GOLGA3: variants seen among roughly 807,000 people sequenced by gnomAD.
GOLGA3 encodes golgin subfamily A member 3.
In GOLGA3, 75 loss-of-function variants were observed where a neutral mutation model predicts 169.4. The ratio of observed to expected loss-of-function variants is 0.44; its 90% CI spans 0.37 to 0.54. GOLGA3 has a LOEUF of 0.54. Among genes scored for constraint, GOLGA3 ranks in the 20% least tolerant of loss-of-function variants. GOLGA3 has a pLI of 0.00. For synonymous variants in GOLGA3, 824 were observed against 822.4 expected, an observed-to-expected ratio of 1.00 and a Z score of -0.03; for missense variants, 1,899 against 1,930.0, an observed-to-expected ratio of 0.98 and a Z score of 0.30.
intron 15 of GOLGA3, among the ~76,000 whole-genome samples, chr12:132,785,578 G>T (rs190835265): frequency 6.6e-6 from 1 of 152,108 alleles, no homozygotes; most frequent in African/African-American, 2.4e-5. Flanking sequence ...CTCCCAAAGC[G>T]CTGGGATTAT....
At position 132,796,343 on chromosome 12, in the gene GOLGA3, A is replaced by G. The variant is rs1211102186; in HGVS notation, c.2101-123T>C. 2.4e-6 allele frequency: 3 copies of G among 1,262,524 alleles called. No individual in the cohort carries two copies. In the East Asian group the frequency reaches 7.3e-5, roughly 31 times the overall value. The allele number at this position is 1,262,524 out of a possible 1,614,324, so 78.2% of individuals were successfully genotyped here. A position where few individuals can be genotyped will look rare whatever the true frequency, so the allele number is the denominator to read the frequency against. Reference sequence around the variant, plus strand: ...ATGGAGGGTCTTTTTTTCACGCACAATCCTGGTATAGAAGAACCAGCAGGG... The same window carrying G: ...ATGGAGGGTCTTTTTTTCACGCACAGTCCTGGTATAGAAGAACCAGCAGGG... On this transcript the variant is annotated intron_variant, in intron 10 of 23. Transcript: ENST00000450791.
At chr12:132,799,121 G>A (rs1949012519) in intron 8 of GOLGA3, among the ~76,000 whole-genome samples, 1 of 152,336 alleles carries the variant, frequency 6.6e-6, no homozygotes, top group African/African-American at 2.4e-5. Flanking sequence ...TTCCTGGAGT[G>A]CACAGTGCGA....
chr12:132,826,457 C>G (rs1407684099), intron 1 of GOLGA3, among the ~76,000 whole-genome samples: 1 of 151,534 alleles, frequency 6.6e-6, no homozygotes, highest in Non-Finnish European at 1.5e-5. Context: ...AGGAACACAG[C>G]CAAAGACGCT....
In GOLGA3 at chr12:132,769,621, G is replaced by A. The variant is rs1199931326; in HGVS notation, c.*3484C>T. 2 of 152,226 alleles carry A rather than the reference G, an allele frequency of 1.3e-5. No homozygotes were observed. The highest frequency in any genetic ancestry group is 6.5e-5 in the Admixed American group (1 of 15,276). 9.4% of individuals were successfully genotyped at this position (152,226 alleles called of 1,614,324 possible). On this transcript the variant is annotated 3_prime_UTR_variant, in exon 24 of 24. Transcript: ENST00000450791. The stretch of plus-strand genomic sequence containing the variant: ...ATGAAAACCAAGTTACGTTGTTTTT[G>A]GAACATCAGAAAAACAAGTAGTGAC...
In GOLGA3 at chr12:132,789,325, C is replaced by T. The variant is rs367571996; in HGVS notation, c.2548-35G>A. ...ACAGAGGCTGTGAGCGGACGCTGGG[C>T]GGCGGGGCGTGGGGGGCGTACCTGG... On this transcript the variant is annotated intron_variant, in intron 12 of 23. Transcript: ENST00000450791. 57 of 1,531,154 alleles carry T rather than the reference C, an allele frequency of 3.7e-5. No homozygotes were observed. In the South Asian group the frequency reaches 4.3e-4, roughly 12 times the overall value. The allele number at this position is 1,531,154 out of a possible 1,614,324, so 94.8% of individuals were successfully genotyped here. A position where few individuals can be genotyped will look rare whatever the true frequency, so the allele number is the denominator to read the frequency against.
chr12:132,813,100 A>G (rs1236870871), intron 4 of GOLGA3, among the ~76,000 whole-genome samples: 1 of 152,244 alleles, frequency 6.6e-6, no homozygotes, highest in Non-Finnish European at 1.5e-5. Flanking sequence ...GTGGTGGTCC[A>G]GAACTGAACC....
At chr12:132,815,011 G>A (rs1239517642) in intron 3 of GOLGA3, among the ~76,000 whole-genome samples, 2 of 152,198 alleles carry the variant, frequency 1.3e-5, no homozygotes, top group African/African-American at 4.8e-5. Context: ...ACACAGCAAC[G>A]CTTTACACAT....
chr12:132,784,089 C>T, intron 16 of GOLGA3, 75 bp downstream of exon 16: 3 of 1,592,258 alleles, frequency 1.9e-6, no homozygotes, highest in East Asian at 4.5e-5. Context: ...TTCTTCGGGT[C>T]TCACGCGTGG....
chr12:132,825,592 A>G (rs981437525), intron 1 of GOLGA3: 167 of 630,008 alleles, frequency 2.7e-4, no homozygotes, highest in Middle Eastern at 4.2e-4. Context: ...CTTTTAAAAT[A>G]CAGCAAAGTC....
At chr12:132,814,275 C>T (rs998082557) in intron 3 of GOLGA3, among the ~76,000 whole-genome samples, 2 of 152,054 alleles carry the variant, frequency 1.3e-5, no homozygotes, top group Non-Finnish European at 2.9e-5. Context: ...CCGCCCACCT[C>T]GGCCTCTCAA....
chr12:132,810,859 G>A (rs186161563), intron 4 of GOLGA3, among the ~76,000 whole-genome samples: 80 of 152,348 alleles, frequency 5.3e-4, no homozygotes, highest in Middle Eastern at 3.4e-3. Context: ...ATCAACCTGT[G>A]ATGCTGTGCT....
At chr12:132,812,426 A>G (rs1949766236) in intron 4 of GOLGA3, among the ~76,000 whole-genome samples, 1 of 152,162 alleles carries the variant, frequency 6.6e-6, no homozygotes, top group Admixed American at 6.6e-5. Context: ...CCATAGTCAT[A>G]GTGATTCCTC....
chr12:132,808,262 G>A lies in GOLGA3; in HGVS notation c.807C>T (p.Thr269=), dbSNP rs141741772. 127 of 1,613,970 alleles carry A rather than the reference G, an allele frequency of 7.9e-5. No individual in the cohort carries two copies. The highest frequency in any genetic ancestry group is 1.0e-4 in the Non-Finnish European group (119 of 1,180,024). Residue 269 remains threonine (T), a synonymous_variant, in exon 5 of 24, where the codon ACC becomes ACT. Coordinates refer to ENST00000450791, the MANE Select transcript of GOLGA3 (RefSeq NM_001389683.1). ...TTCTGTTCTGCTTCAGGGAACCCTTGGTAGAATCGGGAGCCGGGACATTTC... is the reference window on the plus strand; with the variant it reads ...TTCTGTTCTGCTTCAGGGAACCCTTAGTAGAATCGGGAGCCGGGACATTTC... The part of the protein sequence containing the change: ...SGGNVPAPDS[T]KGSLKQNRSS...
chr12:132,816,516 A>T, intron 3 of GOLGA3, 24 bp downstream of exon 3: 1 of 1,605,052 alleles, frequency 6.2e-7, no homozygotes, highest in Middle Eastern at 1.7e-4. Flanking sequence ...GGAGGGTGGG[A>T]AAAGCGGGGT....
chr12:132,804,089 G>A lies in GOLGA3; in HGVS notation c.1597+627C>T, dbSNP rs577042077. 6.6e-6 allele frequency among the ~76,000 whole-genome samples: 1 copy of A among 152,168 alleles called. No individual in the cohort carries two copies. On this transcript the variant is annotated intron_variant, in intron 7 of 23. Transcript: ENST00000450791. This position sits in a 1 kb window ranked among gnomAD's most constrained non-coding sequence, Gnocchi z 4.1. ...GTGCTGCCAAGCCACATGGAAGCCC[G>A]CCGCGGCTTCCGCAATCCACTGCCC... is the stretch of plus-strand genomic sequence containing the variant.
chr12:132,786,182 T>C (rs536592586), intron 15 of GOLGA3, among the ~76,000 whole-genome samples, 157 bp downstream of exon 15: 1 of 151,770 alleles, frequency 6.6e-6, no homozygotes, highest in East Asian at 2.0e-4. Flanking sequence ...TCACTGTGGG[T>C]TCCTGGTAAC....
At chr12:132,820,381 G>A (rs1950157394) in intron 2 of GOLGA3, among the ~76,000 whole-genome samples, 1 of 152,134 alleles carries the variant, frequency 6.6e-6, no homozygotes, top group Admixed American at 6.5e-5. Flanking sequence ...AAGGGGCGGA[G>A]GCTGAGATTA....
chr12:132,827,469 G>A (rs940679132), intron 1 of GOLGA3: 8 of 152,112 alleles, frequency 5.3e-5, no homozygotes, highest in Non-Finnish European at 7.4e-5. Context: ...GAAAATGAAC[G>A]CAAAATTTTG....
intron 11 of GOLGA3, among the ~76,000 whole-genome samples, chr12:132,794,322 C>A (rs947554566): frequency 1.3e-5 from 2 of 150,796 alleles, no homozygotes; most frequent in Non-Finnish European, 3.0e-5. Flanking sequence ...TGGCAAAACC[C>A]CGTATCTATT....
Sources: gnomAD v4.1 joint callset for allele counts (sites outside exome capture counted in the v4.1 genomes callset) on GRCh38, gnomAD v4.1.1 for gene constraint, Gnocchi (gnomAD v3.1) non-coding constraint, MANE v1.5 for transcripts, NCBI Gene and HGNC (gene_info 2026-07-23, HGNC 2026-07-21) for gene names.